USP34: variants seen among roughly 807,000 people sequenced by gnomAD.
USP34 encodes the protein ubiquitin carboxyl-terminal hydrolase 34.
In USP34, 70 loss-of-function variants were observed where a neutral mutation model predicts 460.3. That is an observed-to-expected ratio of 0.15 (90% CI 0.13 to 0.19). The LOEUF (loss-of-function observed/expected upper bound fraction) is 0.19, where lower values mean the gene tolerates loss of function less well. USP34 is among the 10% of genes least tolerant of loss of function. USP34 has a pLI of 1.00. For synonymous variants in USP34, 1,647 were observed against 1,405.3 expected (o/e 1.17, Z -3.85); for missense variants, 3,985 against 4,236.2 (o/e 0.94, Z 1.65).
intron 75 of USP34, among the ~76,000 whole-genome samples, chr2:61,194,946 TC>T (rs1686753962): frequency 1.0e-5 from 1 of 98,300 alleles, no homozygotes; most frequent in Non-Finnish European, 2.0e-5. Context: ...AGAGTGAAAC[TC>T]TGTCAAAAAA....
chr2:61,274,008 A>T (rs1329226075), intron 41 of USP34, among the ~76,000 whole-genome samples: 3 of 152,028 alleles, frequency 2.0e-5, no homozygotes. Flanking sequence ...AAGCATGAAA[A>T]AACAGGGAGT....
rs772250174 is a variant in USP34 at position 61,339,535 on chromosome 2, C to G, written c.2616+31G>C. On this transcript the variant is annotated intron_variant, in intron 17 of 79. Coordinates refer to ENST00000398571, the MANE Select transcript of USP34 (RefSeq NM_014709.4). ...TCCTAATTGCATCTTGCTGAAATTT[C>G]TTACTCTTCTGGTTCTATTAAATAA... The G allele has an allele frequency of 2.2e-5, 34 of 1,565,618 alleles. No homozygotes were observed. In the South Asian group the frequency reaches 4.2e-4, roughly 19 times the overall value.
In USP34 at chr2:61,228,960, C is replaced by T. The variant is rs780496981; in HGVS notation, c.7235G>A (p.Gly2412Asp). ...DDMDTSVEDI[G>D]GRSCVTRFVR... ...AAAGCGAGTGACACATGAACGACCACCAATATCTTCTACTGAGGTATCCAT... is the reference window on the plus strand; with the variant it reads ...AAAGCGAGTGACACATGAACGACCATCAATATCTTCTACTGAGGTATCCAT... Residue 2412 changes from glycine (G) to aspartate (D), a missense_variant, in exon 60 of 80, where the codon GGT becomes GAT. Gly to Asp is a moderately conservative substitution (Grantham distance 94). Around this residue, in one of 14 missense-constraint regions of USP34, gnomAD observed 604 missense variants for 684.8 expected, o/e 0.88. Coordinates refer to ENST00000398571, the MANE Select transcript of USP34 (RefSeq NM_014709.4). 5 of 1,604,902 alleles carry T rather than the reference C, an allele frequency of 3.1e-6. No individual in the cohort carries two copies. Among genetic ancestry groups the T allele is most frequent in the Non-Finnish European group, 4.3e-6 (5 of 1,175,884 alleles).
chr2:61,424,055 G>A (rs1694439870), intron 1 of USP34, among the ~76,000 whole-genome samples: 1 of 152,220 alleles, frequency 6.6e-6, no homozygotes, highest in African/African-American at 2.4e-5. Flanking sequence ...TGTTACAGCT[G>A]CTGTGGAAAA....
At chr2:61,358,426 G>A (rs553940412) in intron 10 of USP34, among the ~76,000 whole-genome samples, 1 of 151,872 alleles carries the variant, frequency 6.6e-6, no homozygotes, top group Non-Finnish European at 1.5e-5. Flanking sequence ...GGACAACCTG[G>A]AAGATTCCTT....
At position 61,350,710 on chromosome 2, in the gene USP34, G is replaced by C; in HGVS notation, c.1252-17C>G. On this transcript the variant is annotated splice_polypyrimidine_tract_variant and intron_variant, in intron 10 of 79. Transcript: ENST00000398571. ...ATGTTTCAACTAGAAAATCAAGTTA[G>C]AGAGAATGGTCAAAAATAATTGCCC... 1.9e-6 allele frequency: 3 copies of C among 1,603,242 alleles called. No individual in the cohort carries two copies. Among genetic ancestry groups the C allele is most frequent in the Non-Finnish European group, 2.5e-6 (3 of 1,176,770 alleles).
In USP34 at chr2:61,206,006, A is replaced by C. The variant is rs375644240; in HGVS notation, c.9154+11T>G. 8 of 1,596,552 alleles carry C rather than the reference A, an allele frequency of 5.0e-6. No homozygotes were observed. The highest frequency in any genetic ancestry group is 1.3e-5 in the African/African-American group (1 of 74,382). On this transcript the variant is annotated intron_variant, in intron 72 of 79. Coordinates refer to ENST00000398571, the MANE Select transcript of USP34 (RefSeq NM_014709.4). ...AGGTTTTTACACGGGTGAATTTTTC[A>C]AGTAACTTACCTATACAGGCATTTC...
chr2:61,259,009 C>G (rs1688797863), intron 44 of USP34, among the ~76,000 whole-genome samples: 1 of 152,082 alleles, frequency 6.6e-6, no homozygotes, highest in Non-Finnish European at 1.5e-5. Context: ...CCTGTAATCC[C>G]AACACTTTGG....
intron 46 of USP34, 42 bp downstream of exon 46, chr2:61,257,010 T>C (rs1451433836): frequency 1.4e-6 from 2 of 1,439,088 alleles, no homozygotes; most frequent in East Asian, 2.5e-5. Flanking sequence ...AATGAAAATA[T>C]ATTAAGATCT....
intron 5 of USP34, among the ~76,000 whole-genome samples, chr2:61,387,580 A>AAT (rs1030285063): frequency 6.8e-6 from 1 of 146,114 alleles, no homozygotes; most frequent in Non-Finnish European, 1.5e-5. Flanking sequence ...ACATATATAA[A>AAT]ATATATATAT....
chr2:61,323,509 C>T (rs1478394652), intron 21 of USP34, among the ~76,000 whole-genome samples: 38 of 123,792 alleles, frequency 3.1e-4, no homozygotes, highest in Admixed American at 7.2e-4. Context: ...AGCAAGACTC[C>T]GCCTCAAAAA....
chr2:61,427,240 G>T (rs983442047), intron 1 of USP34, among the ~76,000 whole-genome samples: 1 of 152,188 alleles, frequency 6.6e-6, no homozygotes, highest in African/African-American at 2.4e-5. Context: ...ATGTTAGCCA[G>T]GATAGTCTCG....
At chr2:61,261,983 C>T (rs561992734) in intron 43 of USP34, among the ~76,000 whole-genome samples, 2 of 148,186 alleles carry the variant, frequency 1.3e-5, no homozygotes, top group South Asian at 4.3e-4. Context: ...CCCAGCTATT[C>T]GGGAGGCTGA....
At chr2:61,221,131 C>G (rs1260222036) in intron 66 of USP34, among the ~76,000 whole-genome samples, 3 of 152,166 alleles carry the variant, frequency 2.0e-5, no homozygotes, top group Non-Finnish European at 2.9e-5. Flanking sequence ...TTTTCCAATA[C>G]TCAAACAAGG....
intron 10 of USP34, among the ~76,000 whole-genome samples, chr2:61,366,669 CAA>C (rs1692450931): frequency 6.6e-6 from 1 of 151,966 alleles, no homozygotes; most frequent in African/African-American, 2.4e-5. Context: ...AGTTGCCAGA[CAA>C]GAGTTCCATT....
chr2:61,379,497 G>C lies in USP34; in HGVS notation c.1014+672C>G, dbSNP rs541155279. On this transcript the variant is annotated intron_variant, in intron 7 of 79. Coordinates refer to ENST00000398571, the MANE Select transcript of USP34 (RefSeq NM_014709.4). Reference sequence around the variant, plus strand: ...ATCATGCCATTGCACAACAGAATGGGACTCCATCTCCAAGAAAAACCAAAA... The same window carrying C: ...ATCATGCCATTGCACAACAGAATGGCACTCCATCTCCAAGAAAAACCAAAA... 7.2e-5 allele frequency among the ~76,000 whole-genome samples: 11 copies of C among 152,110 alleles called. No individual in the cohort carries two copies. In the South Asian group the frequency reaches 2.3e-3, roughly 32 times the overall value.
chr2:61,407,361 A>T (rs1693905824), intron 2 of USP34, among the ~76,000 whole-genome samples: 1 of 152,188 alleles, frequency 6.6e-6, no homozygotes, highest in Admixed American at 6.5e-5. Context: ...ACCATGTCTC[A>T]AAAAAAGGCA....
chr2:61,345,267 G>A (rs1345905394), intron 15 of USP34, among the ~76,000 whole-genome samples: 1 of 134,588 alleles, frequency 7.4e-6, no homozygotes, highest in African/African-American at 2.7e-5. Context: ...GAGTGTGACT[G>A]TGTTTAAAAA....
At chr2:61,361,554 A>G (rs1262005328) in intron 10 of USP34, among the ~76,000 whole-genome samples, 2 of 152,226 alleles carry the variant, frequency 1.3e-5, no homozygotes, top group East Asian at 1.9e-4. Flanking sequence ...AGAACATATG[A>G]TAGGGAAAGG....
Sources: gnomAD v4.1 joint callset for allele counts (sites outside exome capture counted in the v4.1 genomes callset) on GRCh38, gnomAD v4.1.1 for gene constraint, gnomAD v4.1.1 regional missense constraint, MANE v1.5 for transcripts, NCBI Gene and HGNC (gene_info 2026-07-23, HGNC 2026-07-21) for gene names.